The following WDR72 variants were observed in gnomAD, a reference collection of about 807,000 sequenced individuals.
The protein encoded by WDR72 is WD repeat domain 72.
Under a neutral mutation model 124.2 loss-of-function variants are expected in WDR72, and 120 were observed. The ratio of observed to expected loss-of-function variants is 0.97; its 90% CI spans 0.83 to 1.12. The LOEUF (loss-of-function observed/expected upper bound fraction) is 1.12, where lower values mean the gene tolerates loss of function less well. WDR72 is among the 50% of genes most tolerant of loss of function. The pLI is 0.00. For synonymous variants in WDR72, 452 were observed against 441.7 expected (o/e 1.02, Z -0.29); for missense variants, 1,387 against 1,278.8 (o/e 1.08, Z -1.29).
chr15:53,520,202 C>G (rs888067570), intron 19 of WDR72, among the ~76,000 whole-genome samples: 1 of 151,980 alleles, frequency 6.6e-6, no homozygotes, highest in African/African-American at 2.4e-5. Flanking sequence ...GAACAATATA[C>G]AAAGCAATAT....
intron 18 of WDR72, among the ~76,000 whole-genome samples, chr15:53,586,550 T>C (rs2012224242): frequency 6.6e-6 from 1 of 152,120 alleles, no homozygotes; most frequent in Non-Finnish European, 1.5e-5. Flanking sequence ...CTGTGTTTAT[T>C]CTGTACTGTA....
At chr15:53,689,053 C>G (rs2016746507) in intron 13 of WDR72, among the ~76,000 whole-genome samples, 1 of 152,284 alleles carries the variant, frequency 6.6e-6, no homozygotes, top group Admixed American at 6.5e-5. Context: ...ACACCTTAAA[C>G]AGAAATCAAT....
chr15:53,743,710 C>T (rs1301023305), intron 1 of WDR72, among the ~76,000 whole-genome samples: 1 of 152,216 alleles, frequency 6.6e-6, no homozygotes, highest in Non-Finnish European at 1.5e-5. Flanking sequence ...GGCACAGTGG[C>T]TCACGCCTGT....
At chr15:53,626,635 C>T (rs1332870337) in intron 14 of WDR72, among the ~76,000 whole-genome samples, 4 of 152,202 alleles carry the variant, frequency 2.6e-5, no homozygotes, top group Non-Finnish European at 5.9e-5. Context: ...GTTTCTATCC[C>T]GATCTTTGTC....
chr15:53,715,225 C>T lies in WDR72; in HGVS notation c.482G>A (p.Cys161Tyr). ...TCTCATGGAGTGAACAATGCACATG[C>T]AGTTGATCCAGTCAGGAAACTGAGA... Reference protein sequence around the residue: ...RSSQFPDWINCMCIVHSMRIQ... With the variant: ...RSSQFPDWINYMCIVHSMRIQ... The change falls in exon 5 of 20, where the codon TGC becomes TAC. Residue 161 changes from cysteine to tyrosine, a missense_variant. Cys to Tyr is a radical substitution (Grantham distance 194). Transcript: ENST00000360509. 6.2e-7 allele frequency: 1 copy of T among 1,614,126 alleles called. No individual in the cohort carries two copies. The highest frequency in any genetic ancestry group is 8.5e-7 in the Non-Finnish European group (1 of 1,180,004).
chr15:53,733,716 C>A lies in WDR72; in HGVS notation c.-12-555G>T, dbSNP rs567145349. Among the ~76,000 whole-genome samples the A allele has an allele frequency of 4.3e-3, 648 of 152,098 alleles. 1 individual carries two copies. The highest frequency in any genetic ancestry group is 6.4e-3 in the Non-Finnish European group (438 of 67,992). On this transcript the variant is annotated intron_variant, in intron 1 of 19. Coordinates refer to ENST00000360509, the MANE Select transcript of WDR72 (RefSeq NM_182758.4). ...TTTTTAATAATAATTTTTATTTTAC[C>A]TATTTTTATGTTTGGTATCTTCCTA...
intron 3 of WDR72, among the ~76,000 whole-genome samples, chr15:53,718,976 T>C (rs2017796870): frequency 6.6e-6 from 1 of 152,130 alleles, no homozygotes; most frequent in South Asian, 2.1e-4. Flanking sequence ...GGGAATTTTT[T>C]GGTCTTACTC....
intron 17 of WDR72, among the ~76,000 whole-genome samples, chr15:53,600,731 C>T (rs1162432403): frequency 6.6e-6 from 1 of 152,136 alleles, no homozygotes; most frequent in Non-Finnish European, 1.5e-5. Flanking sequence ...TCTGCTCATG[C>T]TGGCCTTTCC....
At chr15:53,535,309 T>C (rs1892703537) in intron 18 of WDR72, among the ~76,000 whole-genome samples, 1 of 152,178 alleles carries the variant, frequency 6.6e-6, no homozygotes, top group Non-Finnish European at 1.5e-5. Context: ...TGTATTGCCA[T>C]GGAAGAGATT....
intron 14 of WDR72, among the ~76,000 whole-genome samples, chr15:53,627,029 G>A (rs35255404): frequency 0.21 from 32,019 of 152,052 alleles, 3,777 homozygotes; most frequent in East Asian, 0.46. Flanking sequence ...ATTCCTGAAT[G>A]AAGAATTTAG....
At chr15:53,599,605 A>T (rs16966274) in intron 17 of WDR72, among the ~76,000 whole-genome samples, 4 of 152,102 alleles carry the variant, frequency 2.6e-5, no homozygotes, top group South Asian at 4.1e-4. Context: ...CACAATGTGT[A>T]CAGACTATAT....
At chr15:53,618,336 T>C (rs551160204) in intron 14 of WDR72, among the ~76,000 whole-genome samples, 34 of 152,166 alleles carry the variant, frequency 2.2e-4, no homozygotes, top group African/African-American at 7.5e-4. Flanking sequence ...TTAATTTCTT[T>C]TGATAGTTTT....
upstream of WDR72, chr15:53,759,711 G>GC (rs201948107): frequency 0.32 from 46,416 of 144,238 alleles, 7,679 homozygotes; most frequent in South Asian, 0.44. Flanking sequence ...TACCGGCCCC[G>GC]CCCGCCTCGC....
intron 18 of WDR72, among the ~76,000 whole-genome samples, chr15:53,540,389 C>A (rs16966182): frequency 0.054 from 8,241 of 152,150 alleles, 763 homozygotes; most frequent in African/African-American, 0.19. Context: ...AGGAATGGAA[C>A]TAGCACAGAA....
intron 18 of WDR72, among the ~76,000 whole-genome samples, chr15:53,544,695 T>C (rs932394280): frequency 2.8e-5 from 4 of 144,062 alleles, no homozygotes; most frequent in Non-Finnish European, 6.1e-5. Flanking sequence ...TAAAGGGTAT[T>C]CAATTAGGAA....
At chr15:53,660,998 T>C (rs572930) in intron 14 of WDR72, among the ~76,000 whole-genome samples, 13,602 of 152,160 alleles carry the variant, frequency 0.089, 1,598 homozygotes, top group African/African-American at 0.27. Flanking sequence ...AATTGGGAAA[T>C]GACAACCAGT....
intron 14 of WDR72, among the ~76,000 whole-genome samples, chr15:53,639,506 TTA>T (rs1412515499): frequency 3.4e-5 from 5 of 145,462 alleles, no homozygotes; most frequent in East Asian, 2.0e-4. Flanking sequence ...ATTTATAAAA[TTA>T]TATATAATTT....
intron 14 of WDR72, among the ~76,000 whole-genome samples, chr15:53,622,540 C>T (rs1463724218): frequency 2.6e-5 from 4 of 152,036 alleles, no homozygotes; most frequent in African/African-American, 7.3e-5. Flanking sequence ...AAACAAACAC[C>T]CCATGTCCTA....
intron 18 of WDR72, among the ~76,000 whole-genome samples, chr15:53,553,395 A>C (rs971825897): frequency 6.6e-6 from 1 of 152,152 alleles, no homozygotes; most frequent in Admixed American, 6.5e-5. Context: ...TGGGTGCTGC[A>C]GTGTTTTCGT....
Sources: gnomAD v4.1 joint callset for allele counts (sites outside exome capture counted in the v4.1 genomes callset) on GRCh38, gnomAD v4.1.1 for gene constraint, MANE v1.5 for transcripts, NCBI Gene and HGNC (gene_info 2026-07-23, HGNC 2026-07-21) for gene names.